Variants in PIK3CA observed in about 807,000 individuals in gnomAD.
The protein encoded by PIK3CA is phosphatidylinositol 4,5-bisphosphate 3-kinase catalytic subunit alpha isoform.
Under a neutral mutation model 138.2 loss-of-function variants are expected in PIK3CA, and 27 were observed. That is an observed-to-expected ratio of 0.20 (90% CI 0.14 to 0.27). PIK3CA has a LOEUF of 0.27. PIK3CA is among the 10% of genes least tolerant of loss of function. The pLI is 1.00. For missense variants in PIK3CA, 544 were observed against 1,277.4 expected (o/e 0.43, Z 8.75); for synonymous variants, 358 against 413.2 (o/e 0.87, Z 1.62).
chr3:179,153,330 C>T (rs1242824841), intron 1 of PIK3CA, among the ~76,000 whole-genome samples: 1 of 152,076 alleles, frequency 6.6e-6, no homozygotes, highest in Non-Finnish European at 1.5e-5. Flanking sequence ...AGTAAACTTA[C>T]ACAGAATGTA....
chr3:179,153,986 AATT>A (rs1286721132), intron 1 of PIK3CA, among the ~76,000 whole-genome samples: 2 of 152,168 alleles, frequency 1.3e-5, no homozygotes, highest in African/African-American at 4.8e-5. Flanking sequence ...ATTCACATTT[AATT>A]ATTATGTGAA....
rs1362905343 is a variant in PIK3CA, at chr3:179,201,441, A to G, written c.714A>G (p.Gln238=). The G allele has an allele frequency of 6.2e-7, 1 of 1,613,694 alleles. No homozygotes were observed. Among genetic ancestry groups the G allele is most frequent in the Non-Finnish European group, 8.5e-7 (1 of 1,179,718 alleles). The part of the protein sequence containing the change: ...KTRSMLLSSE[Q]LKLCVLEYQG... ...GAAGTATGTTGCTATCCTCTGAACA[A>G]CTAAAACTCTGTGTTTTAGAATATC... The change falls in exon 4 of 21, where the codon CAA becomes CAG. Residue 238 remains glutamine (Q), a synonymous_variant. Transcript: ENST00000263967.
intron 1 of PIK3CA, among the ~76,000 whole-genome samples, chr3:179,155,390 GT>G (rs1723109315): frequency 6.6e-6 from 1 of 152,144 alleles, no homozygotes; most frequent in African/African-American, 2.4e-5. Flanking sequence ...AAATTGCTGT[GT>G]GCCAGTCTTA....
chr3:179,207,157 A>G (rs888596672), intron 6 of PIK3CA, among the ~76,000 whole-genome samples: 31 of 152,314 alleles, frequency 2.0e-4, no homozygotes, highest in African/African-American at 7.5e-4. Flanking sequence ...AGAAAAGTAG[A>G]TTTTAAAAAT....
chr3:179,176,285 T>C (rs1723695626), intron 1 of PIK3CA, among the ~76,000 whole-genome samples: 1 of 152,210 alleles, frequency 6.6e-6, no homozygotes, highest in Non-Finnish European at 1.5e-5. Flanking sequence ...GTTGGAGACC[T>C]GGAATTCCAG....
rs1725383626 is a variant in PIK3CA at position 179,238,884 on chromosome 3, C to T, written c.*4520C>T. 1 of 218,824 alleles carries T rather than the reference C, an allele frequency of 4.6e-6. No homozygotes were observed. Among genetic ancestry groups the T allele is most frequent in the African/African-American group, 2.3e-5 (1 of 44,402 alleles). The allele number at this position is 218,824 out of a possible 1,614,324, so 13.6% of individuals were successfully genotyped here. On this transcript the variant is annotated 3_prime_UTR_variant, in exon 21 of 21. Coordinates refer to ENST00000263967, the MANE Select transcript of PIK3CA (RefSeq NM_006218.4). ...GAGTTTAGAATTTATTAGGAGTTTC[C>T]CAAGTTGGGATGTTAGTCTTTAAAT...
chr3:179,173,813 G>C (rs570645838), intron 1 of PIK3CA, among the ~76,000 whole-genome samples: 1 of 151,770 alleles, frequency 6.6e-6, no homozygotes, highest in Admixed American at 6.6e-5. Flanking sequence ...TGCAACCTCC[G>C]CCTCCCTGGT....
chr3:179,163,176 A>G (rs989351784), intron 1 of PIK3CA, among the ~76,000 whole-genome samples: 2 of 152,232 alleles, frequency 1.3e-5, no homozygotes, highest in African/African-American at 4.8e-5. Flanking sequence ...TTAGGAAAAT[A>G]GACTTTTGAA....
Position 179,219,292 on chromosome 3 carries a change from G to C in PIK3CA, c.1746+15G>C, listed in dbSNP as rs2108410091. Reference sequence around the variant, plus strand: ...AAGTAGCCCAGGTAAATGTATGTTTGAGATTACTAGATAACTGTTGTACAA... The same window carrying C: ...AAGTAGCCCAGGTAAATGTATGTTTCAGATTACTAGATAACTGTTGTACAA... On this transcript the variant is annotated intron_variant, in intron 11 of 20. Coordinates refer to ENST00000263967, the MANE Select transcript of PIK3CA (RefSeq NM_006218.4). The surrounding 1 kb of genome is among the most constrained non-coding windows in gnomAD (Gnocchi z 4.2). The C allele has an allele frequency of 7.2e-7, 1 of 1,389,648 alleles. No homozygotes were observed. Among genetic ancestry groups the C allele is most frequent in the Non-Finnish European group, 1.0e-6 (1 of 976,802 alleles). The allele number at this position is 1,389,648 out of a possible 1,614,324, so 86.1% of individuals were successfully genotyped here.
At chr3:179,208,051 C>A (rs998045509) in intron 6 of PIK3CA, among the ~76,000 whole-genome samples, 3 of 151,980 alleles carry the variant, frequency 2.0e-5, no homozygotes, top group African/African-American at 4.8e-5. Flanking sequence ...CATAGCAATA[C>A]CCTATCTCTA....
intron 17 of PIK3CA, among the ~76,000 whole-genome samples, chr3:179,226,440 T>C (rs1157684861): frequency 1.3e-5 from 2 of 152,184 alleles, no homozygotes; most frequent in Admixed American, 1.3e-4. Context: ...TGCAACCAGC[T>C]ATCTTAGAGT....
chr3:179,228,187 T>C (rs543804992), intron 17 of PIK3CA, among the ~76,000 whole-genome samples: 152 of 152,170 alleles, frequency 1.0e-3, no homozygotes, highest in Non-Finnish European at 2.0e-3. Context: ...AAAATTCTAA[T>C]TTTCATTATC....
At chr3:179,217,390 C>A (rs1021461238) in intron 9 of PIK3CA, among the ~76,000 whole-genome samples, 1 of 152,094 alleles carries the variant, frequency 6.6e-6, no homozygotes, top group Non-Finnish European at 1.5e-5. Flanking sequence ...AAACAAGGTA[C>A]ATAGTACATA....
At chr3:179,200,102 A>C (rs569884541) in intron 3 of PIK3CA, among the ~76,000 whole-genome samples, 71 of 152,186 alleles carry the variant, frequency 4.7e-4, no homozygotes, top group African/African-American at 1.7e-3. Context: ...TTTTGTGTGA[A>C]TATGATACTG....
chr3:179,149,886 A>G (rs1722966368), intron 1 of PIK3CA, among the ~76,000 whole-genome samples: 1 of 152,218 alleles, frequency 6.6e-6, no homozygotes, highest in African/African-American at 2.4e-5. Flanking sequence ...GTTTTAAGAA[A>G]ACTTCTGGAA....
intron 10 of PIK3CA, 134 bp downstream of exon 10, chr3:179,218,468 A>G (rs924528866): frequency 9.5e-6 from 6 of 633,890 alleles, no homozygotes; most frequent in African/African-American, 3.7e-5. Context: ...TTTTTAAACT[A>G]TAAACATTGC....
chr3:179,149,708 A>G (rs1170020609), intron 1 of PIK3CA: 2 of 152,160 alleles, frequency 1.3e-5, no homozygotes, highest in African/African-American at 4.8e-5. Flanking sequence ...AACCCCTTAG[A>G]ATACTTGGGT....
At chr3:179,155,225 C>A (rs940846666) in intron 1 of PIK3CA, among the ~76,000 whole-genome samples, 4 of 152,130 alleles carry the variant, frequency 2.6e-5, no homozygotes, top group African/African-American at 9.7e-5. Flanking sequence ...CAGGAGGAGA[C>A]AATGTTGTGT....
chr3:179,175,858 C>T (rs891031091), intron 1 of PIK3CA, among the ~76,000 whole-genome samples: 1 of 152,048 alleles, frequency 6.6e-6, no homozygotes, highest in African/African-American at 2.4e-5. Context: ...TGGTCTCAAT[C>T]TTTAATATTG....
Sources: gnomAD v4.1 joint callset for allele counts (sites outside exome capture counted in the v4.1 genomes callset) on GRCh38, gnomAD v4.1.1 for gene constraint, Gnocchi (gnomAD v3.1) non-coding constraint, MANE v1.5 for transcripts, NCBI Gene and HGNC (gene_info 2026-07-23, HGNC 2026-07-21) for gene names.